NECTIN3: variants seen among roughly 807,000 people sequenced by gnomAD.
The protein encoded by NECTIN3 is nectin-3.
A neutral mutation model predicts 49.4 loss-of-function variants in NECTIN3; 8 were observed. The observed-to-expected ratio is 0.16, with a 90% CI of 0.10 to 0.29. The LOEUF (loss-of-function observed/expected upper bound fraction) is 0.29, where lower values mean the gene tolerates loss of function less well. NECTIN3 is among the 10% of genes least tolerant of loss of function. The pLI is 1.00. For synonymous variants in NECTIN3, 277 were observed against 241.1 expected (o/e 1.15, Z -1.38); for missense variants, 581 against 654.6 (o/e 0.89, Z 1.23).
chr3:111,112,942 T>G (rs2033535285), intron 2 of NECTIN3, among the ~76,000 whole-genome samples: 1 of 152,170 alleles, frequency 6.6e-6, no homozygotes, highest in Non-Finnish European at 1.5e-5. Context: ...CTACTTTCAG[T>G]GAAATGTAAA....
chr3:111,099,819 A>G (rs184111947), intron 1 of NECTIN3, among the ~76,000 whole-genome samples: 2 of 152,270 alleles, frequency 1.3e-5, no homozygotes, highest in Non-Finnish European at 2.9e-5. Flanking sequence ...CCACTACAGA[A>G]TCAGGCTTTA....
At chr3:111,077,200 A>T (rs765727472) in intron 1 of NECTIN3, 1 of 442,944 alleles carries the variant, frequency 2.3e-6, no homozygotes, top group Non-Finnish European at 4.6e-6. Context: ...CATCCAGGAG[A>T]TTGTTTTTCT....
At chr3:111,121,694 T>C (rs2033962461) in intron 3 of NECTIN3, among the ~76,000 whole-genome samples, 1 of 152,198 alleles carries the variant, frequency 6.6e-6, no homozygotes, top group Non-Finnish European at 1.5e-5. Flanking sequence ...AGATTAAATA[T>C]CTCATTAAAG....
intron 5 of NECTIN3, among the ~76,000 whole-genome samples, chr3:111,129,197 A>AT (rs2034286189): frequency 7.2e-6 from 1 of 138,980 alleles, no homozygotes; most frequent in Admixed American, 6.8e-5. Flanking sequence ...CTTCACCTTC[A>AT]CCTTTTTCAA....
At chr3:111,097,641 C>G (rs1197506027) in intron 1 of NECTIN3, among the ~76,000 whole-genome samples, 1 of 152,176 alleles carries the variant, frequency 6.6e-6, no homozygotes, top group Non-Finnish European at 1.5e-5. Flanking sequence ...ATAAGTCTCA[C>G]AAGATCTGAT....
At chr3:111,099,447 T>C (rs2032775215) in intron 1 of NECTIN3, among the ~76,000 whole-genome samples, 1 of 152,198 alleles carries the variant, frequency 6.6e-6, no homozygotes, top group African/African-American at 2.4e-5. Flanking sequence ...TTCATTGCCT[T>C]GTATGTCTTA....
In NECTIN3 at chr3:111,147,371, G is replaced by A. The variant is rs1370142052; in HGVS notation, c.1140-32G>A. The A allele has an allele frequency of 3.1e-6, 4 of 1,303,508 alleles. No individual in the cohort carries two copies. In the African/African-American group the frequency reaches 4.6e-5, roughly 15 times the overall value. The allele number at this position is 1,303,508 out of a possible 1,614,324, so 80.7% of individuals were successfully genotyped here. On this transcript the variant is annotated intron_variant, in intron 6 of 8. Transcript: ENST00000493615. ...TGCTTTTTTTTTTTTTCCTAAATGT[G>A]ACAATCACATATTTTAACCTTTGCA... is the stretch of plus-strand genomic sequence containing the variant.
intron 2 of NECTIN3, among the ~76,000 whole-genome samples, chr3:111,117,961 G>T (rs1321077496): frequency 1.3e-5 from 2 of 151,856 alleles, no homozygotes; most frequent in African/African-American, 4.8e-5. Context: ...ATTAGTGATG[G>T]TACGTTAGGA....
intron 4 of NECTIN3, among the ~76,000 whole-genome samples, chr3:111,122,754 C>T (rs1559792962): frequency 6.6e-6 from 1 of 152,004 alleles, no homozygotes; most frequent in African/African-American, 2.4e-5. Context: ...TAATATTTGC[C>T]TCTTTTTACT....
At chr3:111,187,557 T>TTTTC (rs1359584665), upstream of NECTIN3, among the ~76,000 whole-genome samples, 19 of 152,320 alleles carry the variant, frequency 1.2e-4, no homozygotes, top group Admixed American at 1.2e-3. Flanking sequence ...AACTTGGAAG[T>TTTTC]AACCAATATG....
intron 1 of NECTIN3, among the ~76,000 whole-genome samples, chr3:111,078,921 A>G (rs955603951): frequency 2.6e-5 from 4 of 152,110 alleles, no homozygotes; most frequent in African/African-American, 9.7e-5. Flanking sequence ...TACTTCATGT[A>G]TGACACATCT....
At chr3:111,142,867 G>A (rs1009317690) in intron 5 of NECTIN3, among the ~76,000 whole-genome samples, 7 of 151,748 alleles carry the variant, frequency 4.6e-5, no homozygotes, top group African/African-American at 1.7e-4. Context: ...TGTACAGTTG[G>A]GCAAACATGA....
Position 111,134,233 on chromosome 3 carries a change from T to C in NECTIN3, c.*18T>C. 1 of 1,566,566 alleles carries C rather than the reference T, an allele frequency of 6.4e-7. No individual in the cohort carries two copies. Among genetic ancestry groups the C allele is most frequent in the South Asian group, 1.2e-5 (1 of 80,360 alleles). On this transcript the variant is annotated 3_prime_UTR_variant, in exon 6 of 6. Coordinates refer to ENST00000485303, the MANE Select transcript of NECTIN3 (RefSeq NM_015480.3). The stretch of plus-strand genomic sequence containing the variant: ...ATGTTTAGCAACCACTGAATGTGAC[T>C]TAACTATGTACAATGTTCATTCACA...
chr3:111,110,342 CTTAG>C (rs1352953020), intron 1 of NECTIN3, among the ~76,000 whole-genome samples: 1 of 151,742 alleles, frequency 6.6e-6, no homozygotes, highest in East Asian at 1.9e-4. Context: ...GAATCCTTTT[CTTAG>C]TTAGATTTTC....
chr3:111,176,842 A>G (rs1056305961), intron 7 of NECTIN3, among the ~76,000 whole-genome samples: 3 of 152,120 alleles, frequency 2.0e-5, no homozygotes, highest in Admixed American at 6.5e-5. Context: ...CATTTCTATT[A>G]CACCCTCAGT....
intron 7 of NECTIN3, among the ~76,000 whole-genome samples, chr3:111,181,682 C>T (rs1340204993): frequency 6.6e-6 from 1 of 152,052 alleles, no homozygotes; most frequent in East Asian, 1.9e-4. Context: ...TCAGATTTTT[C>T]ATAATACACT....
At chr3:111,155,841 A>G (rs760601602) in intron 7 of NECTIN3, among the ~76,000 whole-genome samples, 1 of 152,182 alleles carries the variant, frequency 6.6e-6, no homozygotes, top group East Asian at 1.9e-4. Flanking sequence ...GACATGAGCA[A>G]TGCCAGTGAG....
At chr3:111,188,969 T>C (rs2035768792), upstream of NECTIN3, among the ~76,000 whole-genome samples, 1 of 152,244 alleles carries the variant, frequency 6.6e-6, no homozygotes, top group African/African-American at 2.4e-5. Flanking sequence ...CAGTGTTGAC[T>C]GTACCCCTGC....
downstream of NECTIN3, among the ~76,000 whole-genome samples, chr3:111,141,911 AT>A (rs1006810187): frequency 6.6e-6 from 1 of 151,636 alleles, no homozygotes. Context: ...TGGTCACTTA[AT>A]TTTTTTCCTC....
Sources: gnomAD v4.1 joint callset for allele counts (sites outside exome capture counted in the v4.1 genomes callset) on GRCh38, gnomAD v4.1.1 for gene constraint, MANE v1.5 for transcripts, NCBI Gene and HGNC (gene_info 2026-07-23, HGNC 2026-07-21) for gene names.